Variants in MGAT4C observed in about 807,000 individuals in gnomAD.
MGAT4C encodes the protein alpha-1,3-mannosyl-glycoprotein 4-beta-N-acetylglucosaminyltransferase C.
A neutral mutation model predicts 40.1 loss-of-function variants in MGAT4C; 19 were observed. The ratio of observed to expected loss-of-function variants is 0.47; its 90% CI spans 0.33 to 0.70. The LOEUF is 0.70. MGAT4C is among the 30% of genes least tolerant of loss of function. MGAT4C has a pLI of 0.02. For synonymous variants in MGAT4C, 181 were observed against 187.1 expected (o/e 0.97, Z 0.27); for missense variants, 491 against 563.2 (o/e 0.87, Z 1.30).
intron 2 of MGAT4C, among the ~76,000 whole-genome samples, chr12:86,510,097 T>C (rs1028659069): frequency 2.0e-5 from 3 of 152,186 alleles, no homozygotes; most frequent in Non-Finnish European, 4.4e-5. Context: ...TCCAACACTA[T>C]GTTGAATAGG....
rs1159927116 is a variant in MGAT4C at position 85,969,839 on chromosome 12, G to T, written c.*9450C>A. The T allele has an allele frequency of 6.6e-6, 1 of 151,138 alleles. No individual in the cohort carries two copies. Among genetic ancestry groups the T allele is most frequent in the African/African-American group, 2.4e-5 (1 of 41,308 alleles). The allele number at this position is 151,138 out of a possible 1,614,324, so 9.4% of individuals were successfully genotyped here. On this transcript the variant is annotated 3_prime_UTR_variant, in exon 5 of 5. Coordinates refer to ENST00000611864, the MANE Select transcript of MGAT4C (RefSeq NM_001351288.2). ...GTTAGTAAAACCCTATTTTTCATATGCTCTTTAGCTTTTTTAATACCTCTT... is the reference window on the plus strand; with the variant it reads ...GTTAGTAAAACCCTATTTTTCATATTCTCTTTAGCTTTTTTAATACCTCTT...
chr12:86,579,876 C>T (rs1960710917), intron 2 of MGAT4C, among the ~76,000 whole-genome samples: 1 of 151,518 alleles, frequency 6.6e-6, no homozygotes, highest in Non-Finnish European at 1.5e-5. Flanking sequence ...CCATTCTTTC[C>T]TGGCCTCTAA....
At chr12:86,283,202 A>G (rs1445518102) in intron 4 of MGAT4C, among the ~76,000 whole-genome samples, 1 of 151,998 alleles carries the variant, frequency 6.6e-6, no homozygotes, top group Non-Finnish European at 1.5e-5. Flanking sequence ...TAAAAAAAAA[A>G]AAATTCTTCC....
At chr12:86,322,949 T>C (rs1322327016) in intron 4 of MGAT4C, among the ~76,000 whole-genome samples, 1 of 152,054 alleles carries the variant, frequency 6.6e-6, no homozygotes, top group Non-Finnish European at 1.5e-5. Flanking sequence ...ATTTTATTCA[T>C]TATTCAAATA....
chr12:86,049,114 G>A (rs558781352), intron 2 of MGAT4C, among the ~76,000 whole-genome samples: 8 of 152,140 alleles, frequency 5.3e-5, no homozygotes, highest in Admixed American at 5.2e-4. Context: ...AAATGTGTGA[G>A]TAAATCTCAT....
At chr12:86,580,940 C>T (rs751854456) in intron 2 of MGAT4C, among the ~76,000 whole-genome samples, 131 of 151,514 alleles carry the variant, frequency 8.6e-4, no homozygotes, top group Non-Finnish European at 9.5e-4. Flanking sequence ...GGTTAGCCTA[C>T]CTAATAAGCA....
intron 1 of MGAT4C, among the ~76,000 whole-genome samples, chr12:86,100,734 G>T (rs1353788950): frequency 6.6e-6 from 1 of 151,410 alleles, no homozygotes; most frequent in Non-Finnish European, 1.5e-5. Flanking sequence ...TCTAGTTAAT[G>T]TAAGGAACAA....
At chr12:86,031,857 C>T (rs1244283726) in intron 2 of MGAT4C, among the ~76,000 whole-genome samples, 1 of 151,844 alleles carries the variant, frequency 6.6e-6, no homozygotes, top group Non-Finnish European at 1.5e-5. Context: ...GAGATTATTT[C>T]ATTACCCAGG....
chr12:86,281,677 C>T (rs190102638), intron 4 of MGAT4C, among the ~76,000 whole-genome samples: 145 of 152,010 alleles, frequency 9.5e-4, no homozygotes, highest in African/African-American at 3.2e-3. Context: ...CCCATTATGC[C>T]GGATGTTTTT....
At chr12:86,496,787 C>A (rs1469259341) in intron 2 of MGAT4C, among the ~76,000 whole-genome samples, 1 of 151,900 alleles carries the variant, frequency 6.6e-6, no homozygotes, top group Non-Finnish European at 1.5e-5. Context: ...TTTTATAAAA[C>A]GTTCATCACT....
chr12:86,076,432 C>T (rs1235158253), intron 1 of MGAT4C, among the ~76,000 whole-genome samples: 1 of 152,202 alleles, frequency 6.6e-6, no homozygotes, highest in Non-Finnish European at 1.5e-5. Context: ...TACCCAGTTC[C>T]AAAGTCGCTT....
chr12:86,552,060 C>T (rs988939739), intron 2 of MGAT4C, among the ~76,000 whole-genome samples: 7 of 142,926 alleles, frequency 4.9e-5, no homozygotes, highest in African/African-American at 1.8e-4. Context: ...ACAGACACTT[C>T]TAAAATAACA....
intron 2 of MGAT4C, among the ~76,000 whole-genome samples, chr12:86,040,218 C>G (rs1196047399): frequency 6.6e-6 from 1 of 152,230 alleles, no homozygotes; most frequent in African/African-American, 2.4e-5. Context: ...GTCAGGGACC[C>G]ACTTGAGGTG....
chr12:86,657,829 G>A (rs1001170552), intron 2 of MGAT4C, among the ~76,000 whole-genome samples: 2 of 151,752 alleles, frequency 1.3e-5, no homozygotes, highest in African/African-American at 4.8e-5. Context: ...CACTGAAAAG[G>A]CACCATATTC....
intron 3 of MGAT4C, among the ~76,000 whole-genome samples, chr12:86,355,401 T>C (rs1033163685): frequency 6.6e-6 from 1 of 152,158 alleles, no homozygotes; most frequent in African/African-American, 2.4e-5. Flanking sequence ...GAAGACAGAA[T>C]GGCTAAATAC....
At chr12:86,550,341 C>CA (rs1295627669) in intron 2 of MGAT4C, among the ~76,000 whole-genome samples, 4 of 152,192 alleles carry the variant, frequency 2.6e-5, no homozygotes, top group African/African-American at 9.6e-5. Flanking sequence ...CAAACACTTA[C>CA]AGTCTGTACT....
chr12:85,998,797 T>G (rs2136762501), intron 2 of MGAT4C, among the ~76,000 whole-genome samples: 1 of 152,234 alleles, frequency 6.6e-6, no homozygotes, highest in Middle Eastern at 3.4e-3. Context: ...GTTCCAAAAT[T>G]TTCCATGTTT....
At chr12:86,509,864 T>C (rs989649903) in intron 2 of MGAT4C, among the ~76,000 whole-genome samples, 11 of 152,178 alleles carry the variant, frequency 7.2e-5, no homozygotes, top group African/African-American at 2.4e-4. Flanking sequence ...TCTCTGTTTG[T>C]CTGCTATTGG....
At chr12:86,237,123 G>C (rs1327650470) in intron 1 of MGAT4C, among the ~76,000 whole-genome samples, 1 of 150,504 alleles carries the variant, frequency 6.6e-6, no homozygotes, top group African/African-American at 2.4e-5. Flanking sequence ...ACATAATAAG[G>C]ATATAGAAAA....
Sources: gnomAD v4.1 joint callset for allele counts (sites outside exome capture counted in the v4.1 genomes callset) on GRCh38, gnomAD v4.1.1 for gene constraint, MANE v1.5 for transcripts, NCBI Gene and HGNC (gene_info 2026-07-23, HGNC 2026-07-21) for gene names.